The following GSE1 variants were observed in gnomAD, a reference collection of about 807,000 sequenced individuals.
GSE1 encodes the protein genetic suppressor element 1.
A neutral mutation model predicts 112.6 loss-of-function variants in GSE1; 32 were observed. The observed-to-expected ratio is 0.28, with a 90% CI of 0.21 to 0.38. The LOEUF (loss-of-function observed/expected upper bound fraction) is 0.38, where lower values mean the gene tolerates loss of function less well. Ranked by LOEUF, GSE1 falls within the 10% of genes least tolerant of loss-of-function variation. The probability of loss-of-function intolerance (pLI) is 1.00; values close to 1 mark genes in which losing one functional copy is unlikely to be tolerated. For synonymous variants in GSE1, 1,115 were observed against 735.6 expected (o/e 1.52, Z -8.35); for missense variants, 2,348 against 1,699.2 (o/e 1.38, Z -6.71).
intron 1 of GSE1, among the ~76,000 whole-genome samples, chr16:85,230,458 C>T (rs141444640): frequency 1.3e-5 from 2 of 152,310 alleles, no homozygotes; most frequent in South Asian, 2.1e-4. Context: ...TTTACTGACT[C>T]GTGTAACCGA....
intron 1 of GSE1, among the ~76,000 whole-genome samples, chr16:85,565,767 G>A (rs988315644): frequency 2.6e-5 from 4 of 152,196 alleles, no homozygotes; most frequent in South Asian, 2.1e-4. Flanking sequence ...AGCGGTGCTC[G>A]AACCAGGCCA....
At position 85,666,605 on chromosome 16, in the gene GSE1, T is replaced by C. The variant is rs192045597; in HGVS notation, c.3130+258T>C. On this transcript the variant is annotated intron_variant, in intron 13 of 15. Coordinates refer to ENST00000253458, the MANE Select transcript of GSE1 (RefSeq NM_014615.5). Reference sequence around the variant, plus strand: ...TGTGCTGTGAGCAGGGACGCATCGATCGGTAAGAGGTAAAGGAGTGAACGC... The same window carrying C: ...TGTGCTGTGAGCAGGGACGCATCGACCGGTAAGAGGTAAAGGAGTGAACGC... 14 of 525,102 alleles carry C rather than the reference T, an allele frequency of 2.7e-5. No homozygotes were observed. The Admixed American group carries it at 4.5e-4, about 17-fold the overall frequency. The allele number at this position is 525,102 out of a possible 1,614,324, so 32.5% of individuals were successfully genotyped here. A position where few individuals can be genotyped will look rare whatever the true frequency, so the allele number is the denominator to read the frequency against.
intron 1 of GSE1, among the ~76,000 whole-genome samples, chr16:85,572,326 C>T (rs2046030120): frequency 6.7e-6 from 1 of 149,046 alleles, no homozygotes; most frequent in Non-Finnish European, 1.5e-5. Context: ...CAACACACCA[C>T]ACACACCACA....
chr16:85,441,197 G>A (rs1199440708), intron 2 of GSE1, among the ~76,000 whole-genome samples: 1 of 152,200 alleles, frequency 6.6e-6, no homozygotes, highest in Non-Finnish European at 1.5e-5. Flanking sequence ...GGGCTGTCCT[G>A]TGGATTGTAG....
intron 1 of GSE1, among the ~76,000 whole-genome samples, chr16:85,248,465 T>C (rs1182906992): frequency 6.6e-6 from 1 of 151,988 alleles, no homozygotes. Context: ...CGCTCCCTCC[T>C]TTTTCCCTCC....
chr16:85,184,873 A>G (rs1395250475), intron 1 of GSE1, among the ~76,000 whole-genome samples: 1 of 152,230 alleles, frequency 6.6e-6, no homozygotes, highest in African/African-American at 2.4e-5. Context: ...AAGGGACCAC[A>G]AGCTCTTGAA....
At chr16:85,178,594 G>A (rs1407770623) in intron 1 of GSE1, among the ~76,000 whole-genome samples, 2 of 152,068 alleles carry the variant, frequency 1.3e-5, no homozygotes, top group East Asian at 1.9e-4. Context: ...GGACGGCATC[G>A]TGGGCACAGC....
chr16:85,281,122 A>G (rs1235556197), intron 1 of GSE1, among the ~76,000 whole-genome samples: 1 of 152,130 alleles, frequency 6.6e-6, no homozygotes, highest in Non-Finnish European at 1.5e-5. Context: ...CACGATGCAA[A>G]CGGCCTCTCT....
chr16:85,332,662 A>G (rs4783165), intron 1 of GSE1, among the ~76,000 whole-genome samples: 38,278 of 151,758 alleles, frequency 0.25, 5,432 homozygotes, highest in East Asian at 0.5. Flanking sequence ...CCTTTGCGCC[A>G]CACCGAGGGG....
intron 2 of GSE1, among the ~76,000 whole-genome samples, chr16:85,484,492 C>T (rs749948544): frequency 1.3e-5 from 2 of 152,246 alleles, no homozygotes; most frequent in East Asian, 1.9e-4. Flanking sequence ...ACAGCCGTGG[C>T]GGAAACCACA....
At chr16:85,452,893 G>A (rs1361252397) in intron 2 of GSE1, among the ~76,000 whole-genome samples, 1 of 151,706 alleles carries the variant, frequency 6.6e-6, no homozygotes, top group African/African-American at 2.4e-5. Context: ...GTGCTGGGTG[G>A]GGGACTGGGT....
At chr16:85,238,400 C>T (rs1038214590) in intron 1 of GSE1, among the ~76,000 whole-genome samples, 15 of 152,236 alleles carry the variant, frequency 9.9e-5, no homozygotes, top group Non-Finnish European at 2.1e-4. Context: ...CCCCCCGCAC[C>T]CCTGCAGCGG....
intron 2 of GSE1, among the ~76,000 whole-genome samples, chr16:85,638,472 G>C (rs1006836520): frequency 1.3e-5 from 2 of 152,224 alleles, no homozygotes; most frequent in Non-Finnish European, 1.5e-5. Context: ...GCATGCCCCA[G>C]CACTTTCCTT....
At chr16:85,179,154 A>G (rs1035916798) in intron 1 of GSE1, among the ~76,000 whole-genome samples, 1 of 152,018 alleles carries the variant, frequency 6.6e-6, no homozygotes, top group Non-Finnish European at 1.5e-5. Flanking sequence ...TCAGGAGTCA[A>G]TCCCCGTCGC....
At chr16:85,349,688 G>T (rs768649772) in intron 1 of GSE1, among the ~76,000 whole-genome samples, 6 of 152,244 alleles carry the variant, frequency 3.9e-5, no homozygotes, top group Middle Eastern at 3.4e-3. Flanking sequence ...ATTTTTCCTC[G>T]GGGCGAAGAG....
At chr16:85,524,150 C>T (rs1206360069) in intron 2 of GSE1, among the ~76,000 whole-genome samples, 1 of 152,166 alleles carries the variant, frequency 6.6e-6, no homozygotes, top group Non-Finnish European at 1.5e-5. Flanking sequence ...GTTCAAACCT[C>T]CCCGTCTGAT....
At chr16:85,530,151 C>T (rs899498237) in intron 2 of GSE1, among the ~76,000 whole-genome samples, 16 of 152,336 alleles carry the variant, frequency 1.1e-4, no homozygotes, top group African/African-American at 3.6e-4. Flanking sequence ...TCCTCCGGCC[C>T]CCGATTTCCA....
At chr16:85,228,400 A>T (rs968123191) in intron 1 of GSE1, among the ~76,000 whole-genome samples, 27 of 152,214 alleles carry the variant, frequency 1.8e-4, no homozygotes, top group South Asian at 4.1e-4. Flanking sequence ...CTCTGGGGCC[A>T]GGAGCTTCGG....
At chr16:85,467,934 A>G (rs190379381) in intron 2 of GSE1, among the ~76,000 whole-genome samples, 389 of 152,326 alleles carry the variant, frequency 2.6e-3, no homozygotes, top group Non-Finnish European at 4.3e-3. Flanking sequence ...CATCGTCTGC[A>G]TCGAAAGCTA....
Sources: gnomAD v4.1 joint callset for allele counts (sites outside exome capture counted in the v4.1 genomes callset) on GRCh38, gnomAD v4.1.1 for gene constraint, MANE v1.5 for transcripts, NCBI Gene and HGNC (gene_info 2026-07-23, HGNC 2026-07-21) for gene names.